The following DLG2 variants were observed in gnomAD, a reference collection of about 807,000 sequenced individuals.
DLG2 encodes disks large homolog 2.
In DLG2, 45 loss-of-function variants were observed where a neutral mutation model predicts 132.5. That is an observed-to-expected ratio of 0.34 (90% CI 0.27 to 0.44). DLG2 has a LOEUF of 0.44. Among genes scored for constraint, DLG2 ranks in the 20% least tolerant of loss-of-function variants. DLG2 has a pLI of 1.00. For synonymous variants in DLG2, 424 were observed against 419.6 expected, an observed-to-expected ratio of 1.01 and a Z score of -0.13; for missense variants, 1,045 against 1,196.9, an observed-to-expected ratio of 0.87 and a Z score of 1.87.
At chr11:83,875,589 C>T (rs1353315861) in intron 15 of DLG2, among the ~76,000 whole-genome samples, 1 of 152,030 alleles carries the variant, frequency 6.6e-6, no homozygotes, top group Non-Finnish European at 1.5e-5. Context: ...CTGAGATAGG[C>T]ACAATAATAA....
intron 6 of DLG2, among the ~76,000 whole-genome samples, chr11:84,850,439 T>TATATATATATATATA (rs2082040115): frequency 6.6e-6 from 1 of 152,114 alleles, no homozygotes; most frequent in Non-Finnish European, 1.5e-5. Flanking sequence ...TACTCACAGC[T>TATATATATATATATA]AACATCACAC....
At chr11:84,879,484 G>C (rs2086943134) in intron 6 of DLG2, among the ~76,000 whole-genome samples, 1 of 152,100 alleles carries the variant, frequency 6.6e-6, no homozygotes, top group South Asian at 2.1e-4. Context: ...GGGACACTTG[G>C]GAGGAGGCCT....
chr11:84,077,969 T>C (rs1432016791), intron 10 of DLG2, among the ~76,000 whole-genome samples: 1 of 152,190 alleles, frequency 6.6e-6, no homozygotes, highest in Non-Finnish European at 1.5e-5. Context: ...GACCATAAGA[T>C]TCCAAACAAT....
At chr11:83,601,905 T>C (rs2058633229) in intron 19 of DLG2, among the ~76,000 whole-genome samples, 2 of 152,162 alleles carry the variant, frequency 1.3e-5, no homozygotes, top group African/African-American at 4.8e-5. Context: ...TAGTGTTTTC[T>C]GCTTATTGAG....
chr11:84,497,578 C>T (rs1315405449), intron 7 of DLG2, among the ~76,000 whole-genome samples: 2 of 152,090 alleles, frequency 1.3e-5, no homozygotes, highest in African/African-American at 4.8e-5. Flanking sequence ...CCTGCGGAAA[C>T]CTCTGAAATA....
At chr11:84,220,644 G>C (rs1183176566) in intron 8 of DLG2, among the ~76,000 whole-genome samples, 1 of 151,968 alleles carries the variant, frequency 6.6e-6, no homozygotes, top group Non-Finnish European at 1.5e-5. Flanking sequence ...TAATGAAAGA[G>C]AAATAAAAGC....
intron 17 of DLG2, among the ~76,000 whole-genome samples, chr11:83,791,987 G>A (rs1463009707): frequency 6.6e-6 from 1 of 152,096 alleles, no homozygotes; most frequent in African/African-American, 2.4e-5. Context: ...TAACTGAATA[G>A]ATCATAACAT....
intron 8 of DLG2, among the ~76,000 whole-genome samples, chr11:84,194,545 G>A (rs1039579143): frequency 1.3e-5 from 2 of 152,152 alleles, no homozygotes; most frequent in African/African-American, 4.8e-5. Flanking sequence ...CCCTTATCTG[G>A]CCCACCCACA....
intron 3 of DLG2, among the ~76,000 whole-genome samples, chr11:85,310,674 G>A (rs890635049): frequency 2.0e-5 from 3 of 152,178 alleles, no homozygotes; most frequent in African/African-American, 7.2e-5. Context: ...GACTAGATGG[G>A]GAACTGTAAT....
chr11:84,989,254 C>T (rs2056833326), intron 6 of DLG2, among the ~76,000 whole-genome samples: 1 of 152,142 alleles, frequency 6.6e-6, no homozygotes, highest in Admixed American at 6.6e-5. Context: ...CAGCTCACTG[C>T]AACCTCTGAC....
intron 3 of DLG2, among the ~76,000 whole-genome samples, chr11:85,511,879 A>T (rs988257941): frequency 6.6e-6 from 1 of 151,976 alleles, no homozygotes. Context: ...GACTATAGGC[A>T]CGTGCCACCA....
intron 19 of DLG2, among the ~76,000 whole-genome samples, chr11:83,594,547 G>T (rs539903645): frequency 6.6e-6 from 1 of 152,216 alleles, no homozygotes; most frequent in African/African-American, 2.4e-5. Flanking sequence ...AAAATTAGAG[G>T]CTGTATTGTC....
At chr11:85,015,633 C>A (rs1388894269) in intron 6 of DLG2, among the ~76,000 whole-genome samples, 1 of 152,076 alleles carries the variant, frequency 6.6e-6, no homozygotes, top group Non-Finnish European at 1.5e-5. Context: ...ACACAATTTA[C>A]AGATATTGGC....
chr11:83,906,255 T>A (rs1304008495), intron 15 of DLG2, among the ~76,000 whole-genome samples: 5 of 96,928 alleles, frequency 5.2e-5, no homozygotes, highest in East Asian at 4.8e-4. Context: ...TCTCTCTCTC[T>A]CTCACACACA....
intron 6 of DLG2, among the ~76,000 whole-genome samples, chr11:84,740,225 G>A (rs531249384): frequency 1.3e-5 from 2 of 152,020 alleles, no homozygotes; most frequent in African/African-American, 4.8e-5. Context: ...AAGCCCCCGG[G>A]GGCAGCATAG....
intron 6 of DLG2, among the ~76,000 whole-genome samples, chr11:84,954,935 G>A (rs1285332575): frequency 1.3e-5 from 2 of 152,122 alleles, no homozygotes; most frequent in Non-Finnish European, 2.9e-5. Flanking sequence ...ACCATTTTCT[G>A]TAAAGGCCAG....
intron 16 of DLG2, 57 bp downstream of exon 16, chr11:83,874,363 G>C (rs977073513): frequency 2.1e-5 from 26 of 1,252,602 alleles, no homozygotes; most frequent in Non-Finnish European, 2.9e-5. Context: ...GGGAGAGAAA[G>C]GAAGACTTCA....
chr11:84,342,060 T>C (rs1352183619), intron 7 of DLG2, among the ~76,000 whole-genome samples: 3 of 152,216 alleles, frequency 2.0e-5, no homozygotes, highest in African/African-American at 7.2e-5. Context: ...CTTTTCTTTT[T>C]TTTTTTAATT....
At chr11:84,399,988 T>G (rs1350695643) in intron 7 of DLG2, among the ~76,000 whole-genome samples, 2 of 152,230 alleles carry the variant, frequency 1.3e-5, no homozygotes, top group African/African-American at 4.8e-5. Flanking sequence ...AAGTCTGATT[T>G]CTTCAACTAT....
Sources: gnomAD v4.1 joint callset for allele counts (sites outside exome capture counted in the v4.1 genomes callset) on GRCh38, gnomAD v4.1.1 for gene constraint, MANE v1.5 for transcripts, NCBI Gene and HGNC (gene_info 2026-07-23, HGNC 2026-07-21) for gene names.